The following ABCC8 variants were observed in gnomAD, a reference collection of about 807,000 sequenced individuals.
The protein encoded by ABCC8 is ATP binding cassette subfamily C member 8, also known as ATP-binding cassette sub-family C member 8.
A neutral mutation model predicts 188.0 loss-of-function variants in ABCC8; 137 were observed. The observed-to-expected ratio is 0.73, with a 90% CI of 0.63 to 0.84. ABCC8 has a LOEUF of 0.84. Among genes scored for constraint, ABCC8 ranks in the 40% least tolerant of loss-of-function variants. The pLI, the probability that ABCC8 is intolerant of heterozygous loss-of-function variation, is 0.00. For missense variants in ABCC8, 1,750 were observed against 2,072.7 expected, an observed-to-expected ratio of 0.84 and a Z score of 3.02; for synonymous variants, 797 against 846.5, an observed-to-expected ratio of 0.94 and a Z score of 1.01.
At chr11:17,454,721 A>C (rs1201865481) in intron 6 of ABCC8, among the ~76,000 whole-genome samples, 1 of 152,190 alleles carries the variant, frequency 6.6e-6, no homozygotes, top group African/African-American at 2.4e-5. Flanking sequence ...ACATGAAAAA[A>C]AGGAGTTTCA....
intron 29 of ABCC8, among the ~76,000 whole-genome samples, chr11:17,400,093 G>A (rs918040952): frequency 6.6e-6 from 1 of 152,208 alleles, no homozygotes; most frequent in African/African-American, 2.4e-5. Context: ...CACCCAAGAC[G>A]TACCTTACTG....
At chr11:17,452,514 A>C (rs1956851387) in intron 7 of ABCC8, among the ~76,000 whole-genome samples, 1 of 152,316 alleles carries the variant, frequency 6.6e-6, no homozygotes, top group South Asian at 2.1e-4. Context: ...CCTTGCCTGC[A>C]CAGTTCACAA....
chr11:17,401,369 C>T (rs190783762), intron 29 of ABCC8, among the ~76,000 whole-genome samples: 8 of 152,296 alleles, frequency 5.3e-5, no homozygotes, highest in Non-Finnish European at 1.0e-4. Flanking sequence ...CAGGGAGCAG[C>T]GCCAAGGCCA....
chr11:17,457,794 A>G (rs889159651), intron 6 of ABCC8, among the ~76,000 whole-genome samples: 1 of 152,208 alleles, frequency 6.6e-6, no homozygotes, highest in African/African-American at 2.4e-5. Flanking sequence ...GTTTCTTGCC[A>G]ACTCTGAGTA....
rs1799854 is a variant in ABCC8, at chr11:17,427,157, G to A, written c.2117-3C>T. On this transcript the variant is annotated splice_polypyrimidine_tract_variant and splice_region_variant and intron_variant, in intron 15 of 38. Transcript: ENST00000389817. The surrounding 1 kb of genome is among the most constrained non-coding windows in gnomAD (Gnocchi z 5.0). ...CCCCACGATCATAGTCAGCTGGCCT[G>A]CAGGGAGGGAGGGTGGCAGATGTGA... The A allele has an allele frequency of 0.42, 679,020 of 1,608,952 alleles. 148,402 individuals carry two copies. Among genetic ancestry groups the A allele is most frequent in the Admixed American group, 0.57 (34,091 of 59,630 alleles).
chr11:17,393,144 G>C lies in ABCC8; in HGVS notation c.4609-16C>G. On this transcript the variant is annotated splice_polypyrimidine_tract_variant and intron_variant, in intron 38 of 38. Coordinates refer to ENST00000389817, the MANE Select transcript of ABCC8 (RefSeq NM_000352.6). ...GCACTCGATGCTGGGCAGGGCAGGA[G>C]GGGGCGGGTCAGGATGGTGGGAATA... 2 of 1,613,146 alleles carry C rather than the reference G, an allele frequency of 1.2e-6. No individual in the cohort carries two copies. The highest frequency in any genetic ancestry group is 1.3e-5 in the African/African-American group (1 of 74,992).
At chr11:17,421,878 C>T (rs938311750) in intron 16 of ABCC8, among the ~76,000 whole-genome samples, 2 of 152,228 alleles carry the variant, frequency 1.3e-5, no homozygotes, top group Non-Finnish European at 2.9e-5. Context: ...TTCTACACCT[C>T]CTAATCCCCC....
rs894400354 is a variant in ABCC8 at position 17,427,765 on chromosome 11, G to T, written c.2116+102C>A. On this transcript the variant is annotated intron_variant, in intron 15 of 38. Coordinates refer to ENST00000389817, the MANE Select transcript of ABCC8 (RefSeq NM_000352.6). This position sits in a 1 kb window ranked among gnomAD's most constrained non-coding sequence, Gnocchi z 5.0. ...TACCCAGGGCATACACCAAGAATGA[G>T]CAGAGAGTAGGTGCTCAATAAATGC... 1 of 1,449,520 alleles carries T rather than the reference G, an allele frequency of 6.9e-7. No homozygotes were observed. Among genetic ancestry groups the T allele is most frequent in the Non-Finnish European group, 9.4e-7 (1 of 1,062,082 alleles). 89.8% of individuals were successfully genotyped at this position (1,449,520 alleles called of 1,614,324 possible). A position where few individuals can be genotyped will look rare whatever the true frequency, so the allele number is the denominator to read the frequency against.
In ABCC8 at chr11:17,428,606, C is replaced by T. The variant is rs565662182; in HGVS notation, c.1882G>A (p.Glu628Lys). The T allele has an allele frequency of 1.5e-5, 25 of 1,614,122 alleles. No individual in the cohort carries two copies. Among genetic ancestry groups the T allele is most frequent in the South Asian group, 1.5e-4 (14 of 91,092 alleles). Residue 628 changes from glutamate (E) to lysine (K), a missense_variant, in exon 13 of 39, where the codon GAG becomes AAG. Transcript: ENST00000389817. The part of the protein sequence containing the change: ...EIREEQCAPH[E>K]PTPQGPASKY... ...CTGGCTGGGCCCTGAGGTGTGGGCT[C>T]ATGGGGGGCACACTGCTCCTCACGG...
intron 10 of ABCC8, chr11:17,436,201 G>T: frequency 1.5e-6 from 1 of 682,942 alleles, no homozygotes; most frequent in East Asian, 2.7e-5. Flanking sequence ...TGGTCTGGAT[G>T]GAAGTGACCA....
chr11:17,402,881 A>G, intron 28 of ABCC8, 128 bp from the exon 29 acceptor site: 1 of 1,168,382 alleles, frequency 8.6e-7, no homozygotes, highest in Non-Finnish European at 1.3e-6. Flanking sequence ...TCAGCTTCTT[A>G]CCCCGTGAAG....
Position 17,461,662 on chromosome 11 carries a change from C to A in ABCC8, c.743G>T (p.Arg248Leu). The change falls in exon 5 of 39, where the codon CGA (arginine) becomes CTA (leucine). Residue 248 changes from arginine (R) to leucine (L), a missense_variant. Arg to Leu is a moderately radical substitution (Grantham distance 102, BLOSUM62 -2). Coordinates refer to ENST00000389817, the MANE Select transcript of ABCC8 (RefSeq NM_000352.6). ...KTAHKKPIDL[R>L]AIGKLPIAMR... ...GGCGATGGGCAGCTTCCCGATGGCTCGCAAGTCGATGGGCTTCTTGTGGGC... is the reference window on the plus strand; with the variant it reads ...GGCGATGGGCAGCTTCCCGATGGCTAGCAAGTCGATGGGCTTCTTGTGGGC... The A allele has an allele frequency of 1.9e-6, 3 of 1,614,220 alleles. No homozygotes were observed. Among genetic ancestry groups the A allele is most frequent in the Non-Finnish European group, 2.5e-6 (3 of 1,180,044 alleles).
chr11:17,450,254 TTCTTTC>T (rs56395853), intron 7 of ABCC8, among the ~76,000 whole-genome samples: 11,045 of 61,924 alleles, frequency 0.18, 1,239 homozygotes, highest in Non-Finnish European at 0.2. Context: ...TTTTCTTTCT[TTCTTTC>T]TCTTTCTTTC....
At chr11:17,470,258 A>T in intron 2 of ABCC8, 36 bp from the exon 3 acceptor site, 1 of 1,613,498 alleles carries the variant, frequency 6.2e-7, no homozygotes, top group Non-Finnish European at 8.5e-7. Context: ...GGATGGGGAC[A>T]TGCTAAGTAC....
chr11:17,434,089 A>T (rs897618409), intron 10 of ABCC8, among the ~76,000 whole-genome samples: 2 of 152,134 alleles, frequency 1.3e-5, no homozygotes. Context: ...CACCAACTAC[A>T]TAGTTCTAAA....
rs1954389369 is a variant in ABCC8 at position 17,404,199 on chromosome 11, T to C, written c.3557+313A>G. ...CCTGACCACTAGAATGATGCAACCC[T>C]CCTGGGAAGCATGTTGGCAAAATGA... On this transcript the variant is annotated intron_variant, in intron 28 of 38. Coordinates refer to ENST00000389817, the MANE Select transcript of ABCC8 (RefSeq NM_000352.6). The surrounding 1 kb of genome is among the most constrained non-coding windows in gnomAD (Gnocchi z 4.7). Among the ~76,000 whole-genome samples, 1 of 152,122 alleles carries C rather than the reference T, an allele frequency of 6.6e-6. No homozygotes were observed. The highest frequency in any genetic ancestry group is 2.4e-5 in the African/African-American group (1 of 41,424).
chr11:17,448,759 G>T (rs929227649), intron 7 of ABCC8, 88 bp from the exon 8 acceptor site: 3 of 1,608,870 alleles, frequency 1.9e-6, no homozygotes, highest in South Asian at 1.1e-5. Flanking sequence ...TGTGCCAGGG[G>T]CTTCTCAGAC....
Position 17,427,204 on chromosome 11 carries a change from C to A in ABCC8, c.2117-50G>T. 1 of 1,555,218 alleles carries A rather than the reference C, an allele frequency of 6.4e-7. No homozygotes were observed. Among genetic ancestry groups the A allele is most frequent in the Admixed American group, 1.8e-5 (1 of 54,538 alleles). On this transcript the variant is annotated intron_variant, in intron 15 of 38. Transcript: ENST00000389817. The surrounding 1 kb of genome is among the most constrained non-coding windows in gnomAD (Gnocchi z 5.0). ...GTGAGTGGGGCCGGGGGAGTCTGAA[C>A]AACCATTACCCAGAAAGACAGACAG...
At chr11:17,450,195 CAAAA>C (rs1187280033) in intron 7 of ABCC8, among the ~76,000 whole-genome samples, 7 of 151,878 alleles carry the variant, frequency 4.6e-5, no homozygotes, top group Non-Finnish European at 8.8e-5. Flanking sequence ...CGGAAATCTC[CAAAA>C]GAAAGAAAGA....
Sources: gnomAD v4.1 joint callset for allele counts (sites outside exome capture counted in the v4.1 genomes callset) on GRCh38, gnomAD v4.1.1 for gene constraint, Gnocchi (gnomAD v3.1) non-coding constraint, MANE v1.5 for transcripts, NCBI Gene and HGNC (gene_info 2026-07-23, HGNC 2026-07-21) for gene names.